Variants in SLC4A10 observed in about 807,000 individuals in gnomAD.
SLC4A10 encodes sodium-driven chloride bicarbonate exchanger.
A neutral mutation model predicts 137.7 loss-of-function variants in SLC4A10; 42 were observed. The observed-to-expected ratio is 0.30, with a 90% confidence interval of 0.24 to 0.39. The LOEUF is 0.39. SLC4A10 is among the 10% of genes least tolerant of loss of function. The pLI, the probability that SLC4A10 is intolerant of heterozygous loss-of-function variation, is 1.00. For synonymous variants in SLC4A10, 474 were observed against 464.1 expected, an observed-to-expected ratio of 1.02 and a Z score of -0.27; for missense variants, 925 against 1,355.0, an observed-to-expected ratio of 0.68 and a Z score of 4.98.
chr2:161,823,579 A>C (rs775178265), intron 3 of SLC4A10, among the ~76,000 whole-genome samples: 18 of 152,244 alleles, frequency 1.2e-4, no homozygotes, highest in Non-Finnish European at 2.2e-4. Flanking sequence ...GAAGCAGAGA[A>C]AAGTCATAAC....
chr2:161,853,053 G>T (rs2059917063), intron 4 of SLC4A10, among the ~76,000 whole-genome samples: 1 of 151,980 alleles, frequency 6.6e-6, no homozygotes, highest in Non-Finnish European at 1.5e-5. Context: ...ATGTGACTAT[G>T]GCCTTATTCT....
intron 1 of SLC4A10, among the ~76,000 whole-genome samples, chr2:161,756,499 A>AT (rs1257235606): frequency 1.3e-5 from 2 of 152,172 alleles, no homozygotes. Flanking sequence ...CTCATACTAC[A>AT]TTTTTAGGAT....
chr2:161,745,106 T>C (rs1339380383), intron 1 of SLC4A10, among the ~76,000 whole-genome samples: 1 of 152,188 alleles, frequency 6.6e-6, no homozygotes, highest in Non-Finnish European at 1.5e-5. Flanking sequence ...TTCTCTAGGT[T>C]TGGAAAGTTC....
In SLC4A10 at chr2:161,974,249, G is replaced by C; in HGVS notation, c.3160G>C (p.Glu1054Gln). ...ATATACTTTACATTTGTCTTTTCAG[G>C]AAGAACAAAGTATGCTAGCTATGGA... The part of the protein sequence containing the change: ...KKKLEDAEKE[E>Q]EQSMLAMEDE... Residue 1054 changes from glutamate to glutamine, a missense_variant and splice_region_variant, in exon 24 of 27, where the codon GAA becomes CAA. Around this residue, in one of 11 missense-constraint regions of SLC4A10, gnomAD observed 84 missense variants for 76.9 expected, o/e 1.09. Transcript: ENST00000446997. 1 of 1,603,136 alleles carries C rather than the reference G, an allele frequency of 6.2e-7. No homozygotes were observed. Among genetic ancestry groups the C allele is most frequent in the Non-Finnish European group, 8.5e-7 (1 of 1,174,816 alleles).
At chr2:161,669,978 G>C (rs1440945020) in intron 1 of SLC4A10, among the ~76,000 whole-genome samples, 9 of 151,998 alleles carry the variant, frequency 5.9e-5, no homozygotes, top group Non-Finnish European at 1.2e-4. Flanking sequence ...TTAAAATCAT[G>C]GTTCCATTGC....
At chr2:161,683,114 G>T (rs1276805972) in intron 1 of SLC4A10, among the ~76,000 whole-genome samples, 1 of 152,038 alleles carries the variant, frequency 6.6e-6, no homozygotes, top group African/African-American at 2.4e-5. Flanking sequence ...TGAATACAGG[G>T]TGCATGGTTG....
chr2:161,950,585 C>T (rs1454134522), intron 18 of SLC4A10, 102 bp from the exon 19 acceptor site: 33 of 1,062,420 alleles, frequency 3.1e-5, no homozygotes, highest in Non-Finnish European at 4.5e-5. Flanking sequence ...CTCAGCTCCT[C>T]TGTTTATAAT....
At chr2:161,694,517 G>GTACATATTA (rs2042304947) in intron 1 of SLC4A10, among the ~76,000 whole-genome samples, 1 of 150,898 alleles carries the variant, frequency 6.6e-6, no homozygotes, top group Admixed American at 6.6e-5. Context: ...TATATATACT[G>GTACATATTA]TACATATTTA....
At chr2:161,927,944 C>G (rs968534828) in intron 15 of SLC4A10, among the ~76,000 whole-genome samples, 5 of 151,246 alleles carry the variant, frequency 3.3e-5, no homozygotes, top group Non-Finnish European at 7.4e-5. Context: ...CTAGTTCAAC[C>G]ATTGTGGAAG....
chr2:161,835,091 G>A (rs528995793), intron 3 of SLC4A10, among the ~76,000 whole-genome samples: 23 of 148,912 alleles, frequency 1.5e-4, no homozygotes, highest in African/African-American at 5.7e-4. Flanking sequence ...AGGCTGGAGA[G>A]CAATAGCGCA....
chr2:161,711,626 A>G (rs139184080), intron 1 of SLC4A10, among the ~76,000 whole-genome samples: 551 of 151,898 alleles, frequency 3.6e-3, no homozygotes, highest in African/African-American at 0.012. Flanking sequence ...AAACTGGAAC[A>G]CGCTGCCTGA....
intron 1 of SLC4A10, among the ~76,000 whole-genome samples, chr2:161,647,460 G>T (rs543666884): frequency 1.3e-5 from 2 of 151,960 alleles, no homozygotes; most frequent in South Asian, 4.2e-4. Context: ...TTTTGATGTT[G>T]TGTTTGATCA....
intron 15 of SLC4A10, among the ~76,000 whole-genome samples, chr2:161,935,797 C>A (rs1406844502): frequency 6.6e-6 from 1 of 152,010 alleles, no homozygotes; most frequent in East Asian, 1.9e-4. Context: ...TGCCTAATGG[C>A]TATGACTAGA....
intron 1 of SLC4A10, among the ~76,000 whole-genome samples, chr2:161,672,654 C>G (rs1421524155): frequency 6.6e-6 from 1 of 152,068 alleles, no homozygotes; most frequent in Non-Finnish European, 1.5e-5. Context: ...TGCATATCAA[C>G]TTCTGTCCTT....
chr2:161,763,234 T>C (rs531489493), intron 1 of SLC4A10, among the ~76,000 whole-genome samples: 1 of 152,194 alleles, frequency 6.6e-6, no homozygotes, highest in African/African-American at 2.4e-5. Context: ...TGAAAGATGT[T>C]TCTTACTCAA....
chr2:161,808,176 T>C (rs2056190159), intron 3 of SLC4A10, among the ~76,000 whole-genome samples: 1 of 152,150 alleles, frequency 6.6e-6, no homozygotes, highest in Admixed American at 6.5e-5. Flanking sequence ...TGCTTAAACA[T>C]GTCCTATTTT....
At chr2:161,940,156 G>T (rs768757946) in intron 15 of SLC4A10, among the ~76,000 whole-genome samples, 2 of 152,070 alleles carry the variant, frequency 1.3e-5, no homozygotes, top group Non-Finnish European at 2.9e-5. Context: ...TGAGTCCAAG[G>T]CACCTAAGTC....
rs527509221 is a variant in SLC4A10, at chr2:161,776,219, C to G, written c.130+5165C>G. Among the ~76,000 whole-genome samples, 10 of 151,934 alleles carry G rather than the reference C, an allele frequency of 6.6e-5. No homozygotes were observed. In the South Asian group the frequency reaches 1.7e-3, roughly 25 times the overall value. On this transcript the variant is annotated intron_variant, in intron 2 of 26. Coordinates refer to ENST00000446997, the MANE Select transcript of SLC4A10 (RefSeq NM_001178015.2). ...ACTTGAGATGAAACTCTGCCATTCC[C>G]CCTCAGAGGCATACTGATTTTCATC...
chr2:161,628,489 A>G (rs1405717717), intron 1 of SLC4A10, among the ~76,000 whole-genome samples: 2 of 152,072 alleles, frequency 1.3e-5, no homozygotes. Flanking sequence ...TTATTTGTGG[A>G]AAAAAGTTAT....
Sources: gnomAD v4.1 joint callset for allele counts (sites outside exome capture counted in the v4.1 genomes callset) on GRCh38, gnomAD v4.1.1 for gene constraint, gnomAD v4.1.1 regional missense constraint, MANE v1.5 for transcripts, NCBI Gene and HGNC (gene_info 2026-07-23, HGNC 2026-07-21) for gene names.